AMZ1: variants seen among roughly 807,000 people sequenced by gnomAD.
AMZ1 encodes archaelysin family metallopeptidase 1.
Under a neutral mutation model 29.9 loss-of-function variants are expected in AMZ1, and 39 were observed. The ratio of observed to expected loss-of-function variants is 1.30; its 90% CI spans 1.01 to 1.70. AMZ1 has a LOEUF of 1.70. Ranked by LOEUF, AMZ1 falls within the 40% of genes most tolerant of loss-of-function variation. The pLI, the probability that AMZ1 is intolerant of heterozygous loss-of-function variation, is 0.00. For synonymous variants in AMZ1, 458 were observed against 304.0 expected, an observed-to-expected ratio of 1.51 and a Z score of -5.27; for missense variants, 1,041 against 680.6, an observed-to-expected ratio of 1.53 and a Z score of -5.89.
In AMZ1 at chr7:2,718,400, G is replaced by C. The variant is rs1053367299; in HGVS notation, c.*5522G>C. 6.6e-6 allele frequency among the ~76,000 whole-genome samples: 1 copy of C among 152,136 alleles called. No homozygotes were observed. The highest frequency in any genetic ancestry group is 2.4e-5 in the African/African-American group (1 of 41,438). On this transcript the variant is annotated 3_prime_UTR_variant, in exon 7 of 7. Coordinates refer to ENST00000683327, the MANE Select transcript of AMZ1 (RefSeq NM_001384743.1). ...TTTCTCGAGTCCAAGACCATCTCCC[G>C]TTCAAGGGCCCTCACCGCGCTTTGT...
chr7:2,736,036 C>T (rs1183571968), intron 4 of AMZ1, among the ~76,000 whole-genome samples: 1 of 152,174 alleles, frequency 6.6e-6, no homozygotes, highest in Non-Finnish European at 1.5e-5. Flanking sequence ...GGGCACGCAG[C>T]CCACGGGACG....
intron 4 of AMZ1, among the ~76,000 whole-genome samples, chr7:2,747,175 C>T (rs1226674792): frequency 6.6e-6 from 1 of 152,182 alleles, no homozygotes; most frequent in Admixed American, 6.5e-5. Context: ...TTTTATGAGG[C>T]CAGCATCATC....
upstream of AMZ1, among the ~76,000 whole-genome samples, chr7:2,760,905 G>C (rs996979782): frequency 1.3e-5 from 2 of 152,160 alleles, no homozygotes; most frequent in Admixed American, 6.5e-5. Context: ...TCTTTGGTGG[G>C]GAGTGGGGGG....
rs1562409543 is a variant in AMZ1 at position 2,757,128 on chromosome 7, C to CTTT, written n.551-7584_551-7583insTTT. On this transcript the variant is annotated intron_variant and non_coding_transcript_variant, in intron 4 of 4. Coordinates refer to the AMZ1 transcript ENST00000489665. ...GGCAGGCCCGATCTAATCAGGTGGG[C>CTTT]CTTTTTTTTTTTTTTTTTTTTTTTT... Among the ~76,000 whole-genome samples the CTTT allele has an allele frequency of 4.9e-3, 558 of 114,890 alleles. 8 individuals are homozygous for CTTT. Among genetic ancestry groups the CTTT allele is most frequent in the Non-Finnish European group, 6.6e-3 (372 of 56,464 alleles). The allele number at this position is 114,890 out of a possible 152,430, so 75.4% of individuals were successfully genotyped here. A position where few individuals can be genotyped will look rare whatever the true frequency, so the allele number is the denominator to read the frequency against.
intron 4 of AMZ1, among the ~76,000 whole-genome samples, chr7:2,755,244 A>G (rs73049325): frequency 0.031 from 4,700 of 152,322 alleles, 126 homozygotes; most frequent in Non-Finnish European, 0.05. Context: ...TGGCCATTCC[A>G]GTGCCTTTCC....
Position 2,731,096 on chromosome 7 carries a change from G to C in AMZ1, n.550+21280G>C. ...GCACGGATCCGAGAAACCCACTCAA[G>C]GACCACACAGACAACACACACCCAA... On this transcript the variant is annotated intron_variant and non_coding_transcript_variant, in intron 4 of 4. Coordinates refer to the AMZ1 transcript ENST00000489665. This position sits in a 1 kb window ranked among gnomAD's most constrained non-coding sequence, Gnocchi z 6.0. 1 of 905,828 alleles carries C rather than the reference G, an allele frequency of 1.1e-6. No homozygotes were observed. Among genetic ancestry groups the C allele is most frequent in the Non-Finnish European group, 1.7e-6 (1 of 581,130 alleles). 56.1% of individuals were successfully genotyped at this position (905,828 alleles called of 1,614,324 possible). A position where few individuals can be genotyped will look rare whatever the true frequency, so the allele number is the denominator to read the frequency against.
intron 4 of AMZ1, among the ~76,000 whole-genome samples, chr7:2,736,410 C>A (rs2693566): frequency 0.55 from 84,345 of 152,006 alleles, 23,921 homozygotes; most frequent in Non-Finnish European, 0.62. Context: ...CTGGGGCCAG[C>A]GGCCACTGAG....
At chr7:2,711,750 T>C (rs1788792634) in intron 6 of AMZ1, among the ~76,000 whole-genome samples, 1 of 152,172 alleles carries the variant, frequency 6.6e-6, no homozygotes, top group Non-Finnish European at 1.5e-5. Context: ...TTTATTTAAT[T>C]ATACGCTTTC....
chr7:2,762,782 CA>C (rs1417020292), upstream of AMZ1: 1 of 1,543,454 alleles, frequency 6.5e-7, no homozygotes, highest in South Asian at 1.2e-5. Context: ...CCAGGCTGTA[CA>C]AAAGGGAGGA....
At chr7:2,705,962 G>A (rs1042146951) in intron 3 of AMZ1, among the ~76,000 whole-genome samples, 2 of 152,256 alleles carry the variant, frequency 1.3e-5, no homozygotes, top group Admixed American at 6.5e-5. Context: ...TGCCAGGCCT[G>A]TGGCAGCTCA....
intron 4 of AMZ1, among the ~76,000 whole-genome samples, chr7:2,739,680 C>G (rs1790401568): frequency 1.3e-5 from 2 of 152,060 alleles, no homozygotes; most frequent in African/African-American, 4.8e-5. Flanking sequence ...TATGGTAGTT[C>G]TTTTTTTATT....
In AMZ1 at chr7:2,715,585, A is replaced by C. The variant is rs1462557536; in HGVS notation, c.*2707A>C. 4 of 152,124 alleles carry C rather than the reference A, an allele frequency of 2.6e-5. No homozygotes were observed. The highest frequency in any genetic ancestry group is 5.9e-5 in the Non-Finnish European group (4 of 68,038). The allele number at this position is 152,124 out of a possible 1,614,324, so 9.4% of individuals were successfully genotyped here. ...GGGAAGGAGCAAACCACTAAAAAAAACTCCTTTTATCCGCAGCGTTTACCA... is the reference window on the plus strand; with the variant it reads ...GGGAAGGAGCAAACCACTAAAAAAACCTCCTTTTATCCGCAGCGTTTACCA... On this transcript the variant is annotated 3_prime_UTR_variant, in exon 7 of 7. Coordinates refer to ENST00000683327, the MANE Select transcript of AMZ1 (RefSeq NM_001384743.1).
chr7:2,732,383 CAAG>C (rs1356791824), intron 4 of AMZ1, among the ~76,000 whole-genome samples: 1 of 152,058 alleles, frequency 6.6e-6, no homozygotes, highest in African/African-American at 2.4e-5. Flanking sequence ...CCCATATTTA[CAAG>C]AAGTAAAAAC....
chr7:2,750,854 T>A (rs1019055913), intron 4 of AMZ1, among the ~76,000 whole-genome samples: 1 of 152,260 alleles, frequency 6.6e-6, no homozygotes, highest in Admixed American at 6.5e-5. Context: ...TTTAGAGTTA[T>A]CAGCTTGGGA....
intron 1 of AMZ1, among the ~76,000 whole-genome samples, chr7:2,698,925 C>T (rs4719633): frequency 0.11 from 16,938 of 152,200 alleles, 1,105 homozygotes; most frequent in East Asian, 0.25. Context: ...CTAGGACTGG[C>T]AGGTCTTGCA....
At chr7:2,682,202 C>A (rs1240885017) in intron 1 of AMZ1, among the ~76,000 whole-genome samples, 1 of 152,004 alleles carries the variant, frequency 6.6e-6, no homozygotes, top group African/African-American at 2.4e-5. Flanking sequence ...GGGAGCTCGC[C>A]CTGCTTGGCC....
rs1317478472 is a variant in AMZ1, at chr7:2,716,803, A to G, written c.*3925A>G. Among the ~76,000 whole-genome samples, 1 of 152,190 alleles carries G rather than the reference A, an allele frequency of 6.6e-6. No homozygotes were observed. Among genetic ancestry groups the G allele is most frequent in the Non-Finnish European group, 1.5e-5 (1 of 68,030 alleles). On this transcript the variant is annotated 3_prime_UTR_variant, in exon 7 of 7. Coordinates refer to ENST00000683327, the MANE Select transcript of AMZ1 (RefSeq NM_001384743.1). ...CTATGTAACGGAATTTTTTTACATC[A>G]TCATCGAGTCTCGAAATGACCTGTA...
intron 4 of AMZ1, chr7:2,733,619 C>A: frequency 3.1e-5 from 23 of 745,068 alleles, no homozygotes; most frequent in Admixed American, 1.7e-4. Flanking sequence ...AATGGGAAAG[C>A]AAAGGAAAAA....
At chr7:2,712,123 G>T (rs1583179269) in intron 6 of AMZ1, among the ~76,000 whole-genome samples, 1 of 152,182 alleles carries the variant, frequency 6.6e-6, no homozygotes, top group African/African-American at 2.4e-5. Flanking sequence ...GTGAGCTCTT[G>T]GGGGTGGGTA....
Sources: allele counts gnomAD v4.1 joint callset (sites outside exome capture counted in the v4.1 genomes callset), GRCh38; gene constraint gnomAD v4.1.1; non-coding constraint Gnocchi (gnomAD v3.1); transcripts MANE v1.5; gene names NCBI Gene and HGNC (gene_info 2026-07-23, HGNC 2026-07-21).